CDK14: variants seen among roughly 807,000 people sequenced by gnomAD.
CDK14 encodes cyclin dependent kinase 14.
CDK14 carries 34 observed loss-of-function variants against 60.7 expected under a neutral mutation model. The observed-to-expected ratio is 0.56, with a 90% CI of 0.43 to 0.75. The LOEUF is 0.75. Ranked by LOEUF, CDK14 falls within the 30% of genes least tolerant of loss-of-function variation. CDK14 has a pLI of 0.00. For synonymous variants in CDK14, 197 were observed against 203.7 expected, an observed-to-expected ratio of 0.97 and a Z score of 0.28; for missense variants, 482 against 564.1, an observed-to-expected ratio of 0.85 and a Z score of 1.47.
intron 10 of CDK14, among the ~76,000 whole-genome samples, chr7:91,012,821 TAGAG>T (rs1365202136): frequency 6.6e-6 from 1 of 152,130 alleles, no homozygotes; most frequent in Non-Finnish European, 1.5e-5. Flanking sequence ...AGGGTAAAGA[TAGAG>T]AGTCATTTAC....
At chr7:90,970,710 G>A (rs1424121858) in intron 9 of CDK14, among the ~76,000 whole-genome samples, 3 of 152,222 alleles carry the variant, frequency 2.0e-5, no homozygotes, top group Non-Finnish European at 4.4e-5. Flanking sequence ...AAATTGTACA[G>A]TGGAGCGAAA....
At chr7:90,957,493 C>T (rs1008838836) in intron 9 of CDK14, among the ~76,000 whole-genome samples, 1 of 151,974 alleles carries the variant, frequency 6.6e-6, no homozygotes, top group Non-Finnish European at 1.5e-5. Flanking sequence ...TGATAAGCAA[C>T]TTCAGCAAAG....
chr7:91,026,730 C>T (rs553393239), intron 10 of CDK14, among the ~76,000 whole-genome samples: 37 of 152,160 alleles, frequency 2.4e-4, no homozygotes, highest in African/African-American at 4.8e-4. Context: ...TATATGTCTG[C>T]GTAAATCAGT....
chr7:91,005,842 G>C (rs1321290150), intron 10 of CDK14, among the ~76,000 whole-genome samples: 1 of 152,244 alleles, frequency 6.6e-6, no homozygotes, highest in Non-Finnish European at 1.5e-5. Flanking sequence ...CAGAGCTGGA[G>C]GAGACCGTTC....
chr7:90,958,856 T>C (rs752930801), intron 9 of CDK14, among the ~76,000 whole-genome samples: 12 of 152,128 alleles, frequency 7.9e-5, no homozygotes, highest in Non-Finnish European at 1.5e-4. Context: ...GTTTTTGTCT[T>C]AGTTGCTTGG....
intron 14 of CDK14, among the ~76,000 whole-genome samples, chr7:91,165,560 G>T (rs1408837600): frequency 6.6e-6 from 1 of 152,148 alleles, no homozygotes; most frequent in Non-Finnish European, 1.5e-5. Context: ...GTTCTGGCTA[G>T]TAATAGTTTC....
chr7:90,983,307 G>A (rs781253413), intron 9 of CDK14, among the ~76,000 whole-genome samples: 10 of 152,086 alleles, frequency 6.6e-5, no homozygotes, highest in African/African-American at 1.4e-4. Flanking sequence ...CTCAACCTAG[G>A]TGCCCATCAA....
At chr7:91,152,231 C>G (rs1475672215) in intron 14 of CDK14, among the ~76,000 whole-genome samples, 1 of 152,132 alleles carries the variant, frequency 6.6e-6, no homozygotes, top group Non-Finnish European at 1.5e-5. Flanking sequence ...GGGAAGCATA[C>G]CAACTAGAAT....
At chr7:90,928,815 C>G (rs138288082) in intron 8 of CDK14, among the ~76,000 whole-genome samples, 180 of 152,336 alleles carry the variant, frequency 1.2e-3, no homozygotes, top group African/African-American at 3.9e-3. Flanking sequence ...TGTGCTGCCC[C>G]CAGAGGTGGA....
At chr7:90,983,583 G>A (rs1055178500) in intron 9 of CDK14, among the ~76,000 whole-genome samples, 5 of 151,616 alleles carry the variant, frequency 3.3e-5, no homozygotes, top group Non-Finnish European at 7.4e-5. Context: ...GGGAGGCTGA[G>A]ACAGGAGAAT....
rs566837692 is a variant in CDK14 at position 91,200,892 on chromosome 7, G to C, written c.*29-6273G>C. On this transcript the variant is annotated intron_variant, in intron 14 of 14. Coordinates refer to ENST00000380050, the MANE Select transcript of CDK14 (RefSeq NM_001287135.2). ...ATTCATCCAACATGTGACTGGACAG[G>C]CACAAAATCAGTAAGTCCAGTATAG... 5.3e-5 allele frequency among the ~76,000 whole-genome samples: 8 copies of C among 152,246 alleles called. No individual in the cohort carries two copies. In the South Asian group the frequency reaches 1.7e-3, roughly 32 times the overall value.
Position 90,656,977 on chromosome 7 carries a change from G to A in CDK14, c.123+52728G>A, listed in dbSNP as rs373138762. On this transcript the variant is annotated intron_variant, in intron 2 of 14. Coordinates refer to ENST00000380050, the MANE Select transcript of CDK14 (RefSeq NM_001287135.2). ...CCTTTTGAGATTTATGCCTCTCTCT[G>A]CTGACACCAACAAGATCGTGTGAAC... Among the ~76,000 whole-genome samples, 22 of 152,188 alleles carry A rather than the reference G, an allele frequency of 1.4e-4. No homozygotes were observed. In the South Asian group the frequency reaches 4.6e-3, roughly 32 times the overall value.
At chr7:90,870,189 C>T (rs1160180279) in intron 6 of CDK14, among the ~76,000 whole-genome samples, 1 of 152,188 alleles carries the variant, frequency 6.6e-6, no homozygotes, top group Non-Finnish European at 1.5e-5. Context: ...ATGTCCTTTG[C>T]AGGAACATGT....
intron 12 of CDK14, among the ~76,000 whole-genome samples, chr7:91,111,231 A>G (rs1364207112): frequency 6.6e-6 from 1 of 152,104 alleles, no homozygotes; most frequent in African/African-American, 2.4e-5. Flanking sequence ...ACCCAAATCC[A>G]TTACCTCATC....
intron 2 of CDK14, among the ~76,000 whole-genome samples, chr7:90,653,999 A>G (rs1800702543): frequency 6.6e-6 from 1 of 152,184 alleles, no homozygotes; most frequent in South Asian, 2.1e-4. Context: ...ACATGAACTC[A>G]TCATTTTTTA....
chr7:91,178,725 C>A (rs1446302449), intron 14 of CDK14, among the ~76,000 whole-genome samples: 1 of 151,454 alleles, frequency 6.6e-6, no homozygotes, highest in Non-Finnish European at 1.5e-5. Context: ...CATCACTGGC[C>A]ATCAGAGAAA....
chr7:90,836,124 A>G (rs1790088109), intron 5 of CDK14, among the ~76,000 whole-genome samples: 1 of 152,312 alleles, frequency 6.6e-6, no homozygotes, highest in East Asian at 1.9e-4. Flanking sequence ...TGTAGACTTT[A>G]TAAATACTGT....
At chr7:90,976,402 G>A (rs904280726) in intron 9 of CDK14, among the ~76,000 whole-genome samples, 3 of 151,996 alleles carry the variant, frequency 2.0e-5, no homozygotes, top group African/African-American at 7.2e-5. Flanking sequence ...GTCACTTAGG[G>A]TGGAGTGCAG....
chr7:90,809,086 T>G (rs1788983448), intron 5 of CDK14, among the ~76,000 whole-genome samples: 1 of 151,260 alleles, frequency 6.6e-6, no homozygotes, highest in Non-Finnish European at 1.5e-5. Context: ...AACGAGGATA[T>G]CCAGGAACTG....
Sources: gnomAD v4.1 joint callset for allele counts (sites outside exome capture counted in the v4.1 genomes callset) on GRCh38, gnomAD v4.1.1 for gene constraint, MANE v1.5 for transcripts, NCBI Gene and HGNC (gene_info 2026-07-23, HGNC 2026-07-21) for gene names.